CHD7: variants seen among roughly 807,000 people sequenced by gnomAD.
CHD7 encodes the protein ATP-dependent chromatin remodeler CHD7.
Under a neutral mutation model 307.3 loss-of-function variants are expected in CHD7, and 24 were observed. The ratio of observed to expected loss-of-function variants is 0.08; its 90% CI spans 0.06 to 0.11. The LOEUF (loss-of-function observed/expected upper bound fraction) is 0.11. Ranked by LOEUF, CHD7 falls within the 10% of genes least tolerant of loss-of-function variation. The pLI, the probability that CHD7 is intolerant of heterozygous loss-of-function variation, is 1.00. For missense variants in CHD7, 3,106 were observed against 3,727.1 expected, an observed-to-expected ratio of 0.83 and a Z score of 4.34; for synonymous variants, 1,363 against 1,349.9, an observed-to-expected ratio of 1.01 and a Z score of -0.21.
In CHD7 at chr8:60,781,080, G is replaced by C; in HGVS notation, c.1746G>C (p.Lys582Asn). Reference sequence around the variant, plus strand: ...GTGGACCGAATGCTCAGCTAGTGAAGAGTGATGATTACCTGCCATCAATAG... The same window carrying C: ...GTGGACCGAATGCTCAGCTAGTGAACAGTGATGATTACCTGCCATCAATAG... ...QVSGPNAQLV[K>N]SDDYLPSIEQ... The change falls in exon 3 of 38, where the codon AAG (lysine) becomes AAC (asparagine). Residue 582 changes from lysine to asparagine, a missense_variant. By Grantham distance (94) the Lys-to-Asn change is moderately conservative. Transcript: ENST00000423902. 1 of 1,611,462 alleles carries C rather than the reference G, an allele frequency of 6.2e-7. No homozygotes were observed. Among genetic ancestry groups the C allele is most frequent in the Non-Finnish European group, 8.5e-7 (1 of 1,178,960 alleles).
At chr8:60,756,286 ATC>A (rs1407605178) in intron 2 of CHD7, among the ~76,000 whole-genome samples, 2 of 152,222 alleles carry the variant, frequency 1.3e-5, no homozygotes, top group Non-Finnish European at 2.9e-5. Context: ...AACCATGGGT[ATC>A]TCGTGTCTTT....
intron 1 of CHD7, among the ~76,000 whole-genome samples, chr8:60,729,934 A>G (rs925834804): frequency 6.6e-6 from 1 of 152,230 alleles, no homozygotes; most frequent in Non-Finnish European, 1.5e-5. Context: ...TTGCTGTCCT[A>G]ATATCAAGAG....
chr8:60,743,830 G>T (rs1801459886), intron 2 of CHD7, among the ~76,000 whole-genome samples: 2 of 152,202 alleles, frequency 1.3e-5, no homozygotes, highest in Non-Finnish European at 2.9e-5. Flanking sequence ...CCCTAGGTCT[G>T]TGAAAGATAA....
rs794727297 is a variant in CHD7 at position 60,742,088 on chromosome 8, G to A, written c.656G>A (p.Gly219Asp). 1.2e-6 allele frequency: 2 copies of A among 1,613,934 alleles called. No individual in the cohort carries two copies. Among genetic ancestry groups the A allele is most frequent in the Middle Eastern group, 1.6e-4 (1 of 6,062 alleles). ...AGCCAGTTTTCCCAAGGCCAAGAGG[G>A]CCTCAATCAGGGAAATCCTTTTATT... Reference protein sequence around the residue: ...RMSQFSQGQEGLNQGNPFIAT... With the variant: ...RMSQFSQGQEDLNQGNPFIAT... Residue 219 changes from glycine to aspartate, a missense_variant, in exon 2 of 38, where the codon GGC becomes GAC. Physicochemically the swap from Gly to Asp is moderately conservative, Grantham distance 94. This residue lies in a region of CHD7 where 998 missense variants were observed against 1,004.5 expected (regional missense o/e 0.99). Coordinates refer to ENST00000423902, the MANE Select transcript of CHD7 (RefSeq NM_017780.4).
intron 12 of CHD7, among the ~76,000 whole-genome samples, 174 bp from the exon 13 acceptor site, chr8:60,823,666 C>T (rs1804144246): frequency 6.6e-6 from 1 of 152,166 alleles, no homozygotes; most frequent in South Asian, 2.1e-4. Context: ...TTTTCCAATT[C>T]TGTTTTACCA....
intron 2 of CHD7, among the ~76,000 whole-genome samples, chr8:60,745,162 C>T (rs1809263041): frequency 1.3e-5 from 2 of 152,050 alleles, no homozygotes; most frequent in Admixed American, 1.3e-4. Flanking sequence ...GCTTTTAGGA[C>T]AGAAATGAAT....
chr8:60,845,111 G>A (rs773854058), intron 22 of CHD7, 48 bp downstream of exon 22: 1 of 1,602,366 alleles, frequency 6.2e-7, no homozygotes. Context: ...AAAGCCACCA[G>A]GAACTTTTGT....
intron 32 of CHD7, among the ~76,000 whole-genome samples, chr8:60,855,363 T>G (rs1355726892): frequency 6.6e-6 from 1 of 152,234 alleles, no homozygotes; most frequent in African/African-American, 2.4e-5. Context: ...TTTTAATCTA[T>G]GGAAACTCAG....
At position 60,861,015 on chromosome 8, in the gene CHD7, C is replaced by A. The variant is rs375629413; in HGVS notation, c.7720C>A (p.Leu2574Ile). ...AGACACACGGATCCCTGTTATCAAT[C>A]TTGAAGATGGGACTAGGCTGGTGGG... Reference protein sequence around the residue: ...DPDTRIPVINLEDGTRLVGED... With the variant: ...DPDTRIPVINIEDGTRLVGED... Residue 2574 changes from leucine (L) to isoleucine (I), a missense_variant, in exon 35 of 38, where the codon CTT becomes ATT. Around this residue, in one of 10 missense-constraint regions of CHD7, gnomAD observed 1,030 missense variants for 1,165.4 expected, o/e 0.88. Transcript: ENST00000423902. 4 of 1,613,880 alleles carry A rather than the reference C, an allele frequency of 2.5e-6. No homozygotes were observed. In the African/African-American group the frequency reaches 4.0e-5, roughly 16 times the overall value.
Position 60,830,575 on chromosome 8 carries a change from A to G in CHD7, c.3776A>G (p.Asn1259Ser), listed in dbSNP as rs1239880284. ...RKCCNHPYLI[N>S]GAEEKILEEF... The stretch of plus-strand genomic sequence containing the variant: ...TGCTGCAATCATCCGTACCTTATCA[A>G]TGGTAAGGCTGCCCTGCTCGCGAAC... The change falls in exon 15 of 38, where the codon AAT becomes AGT. Residue 1259 changes from asparagine to serine, a missense_variant and splice_region_variant. Asn to Ser is a conservative substitution (Grantham distance 46, BLOSUM62 1). This residue lies in a region of CHD7 where 232 missense variants were observed against 422.5 expected (regional missense o/e 0.55). Coordinates refer to ENST00000423902, the MANE Select transcript of CHD7 (RefSeq NM_017780.4). The G allele has an allele frequency of 6.2e-6, 10 of 1,612,172 alleles. No homozygotes were observed. The highest frequency in any genetic ancestry group is 3.3e-5 in the Admixed American group (2 of 59,980).
At chr8:60,831,893 C>T (rs1186737738) in intron 15 of CHD7, among the ~76,000 whole-genome samples, 1 of 152,148 alleles carries the variant, frequency 6.6e-6, no homozygotes, top group Non-Finnish European at 1.5e-5. Context: ...TCATCGGCCA[C>T]CCTAGATTCA....
rs75001399 is a variant in CHD7, at chr8:60,817,820, C to T, written c.2613+1319C>T. 3.9e-3 allele frequency among the ~76,000 whole-genome samples: 594 copies of T among 152,246 alleles called. 2 individuals are homozygous for T. The highest frequency in any genetic ancestry group is 0.01 in the Middle Eastern group (3 of 294). On this transcript the variant is annotated intron_variant, in intron 8 of 37. Coordinates refer to ENST00000423902, the MANE Select transcript of CHD7 (RefSeq NM_017780.4). The stretch of plus-strand genomic sequence containing the variant: ...TTGGATGAGCTGAAATCATTAGCCT[C>T]CTTTTAGAAAGAGACACCCTGTGTT...
At chr8:60,813,267 G>A (rs1563622422) in intron 7 of CHD7, among the ~76,000 whole-genome samples, 1 of 152,126 alleles carries the variant, frequency 6.6e-6, no homozygotes. Context: ...CTGCTACATT[G>A]CTGGATTATT....
At chr8:60,693,802 T>C (rs1248341039) in intron 1 of CHD7, among the ~76,000 whole-genome samples, 2 of 152,276 alleles carry the variant, frequency 1.3e-5, no homozygotes, top group Non-Finnish European at 2.9e-5. Context: ...TATAATGTTA[T>C]ATCCGAGGGA....
intron 3 of CHD7, among the ~76,000 whole-genome samples, chr8:60,785,910 A>G (rs1035225939): frequency 6.6e-6 from 1 of 151,880 alleles, no homozygotes; most frequent in Non-Finnish European, 1.5e-5. Flanking sequence ...GACATTGGAC[A>G]TTTGAAAAGA....
At position 60,808,146 on chromosome 8, in the gene CHD7, G is replaced by T. The variant is rs982694524; in HGVS notation, c.2443-71G>T. The T allele has an allele frequency of 2.8e-6, 3 of 1,058,954 alleles. No individual in the cohort carries two copies. The African/African-American group carries it at 4.7e-5, about 17-fold the overall frequency. The allele number at this position is 1,058,954 out of a possible 1,614,324, so 65.6% of individuals were successfully genotyped here. On this transcript the variant is annotated intron_variant, in intron 6 of 37. Coordinates refer to ENST00000423902, the MANE Select transcript of CHD7 (RefSeq NM_017780.4). ...AGTCCTATTTTGTGCTCATATGGGA[G>T]TAAATCATTACTTTTAAAATATTCT...
chr8:60,723,356 T>C (rs1173534115), intron 1 of CHD7, among the ~76,000 whole-genome samples: 1 of 145,332 alleles, frequency 6.9e-6, no homozygotes, highest in Non-Finnish European at 1.6e-5. Context: ...TTTTCAGTTG[T>C]TTTTTTCTCC....
chr8:60,731,351 A>G (rs937439192), intron 1 of CHD7, among the ~76,000 whole-genome samples: 3 of 152,330 alleles, frequency 2.0e-5, no homozygotes, highest in East Asian at 1.9e-4. Context: ...TTGCTGTTGT[A>G]TCTCAAACTG....
intron 6 of CHD7, among the ~76,000 whole-genome samples, chr8:60,807,296 A>G (rs1038323445): frequency 6.6e-6 from 1 of 152,198 alleles, no homozygotes; most frequent in African/African-American, 2.4e-5. Context: ...GGTCTCTTGT[A>G]AGAGTGTAAA....
Sources: gnomAD v4.1 joint callset for allele counts (sites outside exome capture counted in the v4.1 genomes callset) on GRCh38, gnomAD v4.1.1 for gene constraint, gnomAD v4.1.1 regional missense constraint, MANE v1.5 for transcripts, NCBI Gene and HGNC (gene_info 2026-07-23, HGNC 2026-07-21) for gene names.